Variants in MLKL observed in about 807,000 individuals in gnomAD.
MLKL encodes mixed lineage kinase domain-like protein.
In MLKL, 55 loss-of-function variants were observed where a neutral mutation model predicts 56.5. The ratio of observed to expected loss-of-function variants is 0.97; its 90% CI spans 0.78 to 1.22. The LOEUF is 1.22. Ranked by LOEUF, MLKL falls within the 50% of genes most tolerant of loss-of-function variation. The pLI is 0.00. For missense variants in MLKL, 694 were observed against 573.9 expected (o/e 1.21, Z -2.14); for synonymous variants, 251 against 208.3 (o/e 1.20, Z -1.76).
intron 1 of MLKL, among the ~76,000 whole-genome samples, chr16:74,700,128 C>T (rs183817696): frequency 5.1e-4 from 77 of 152,054 alleles, no homozygotes; most frequent in African/African-American, 1.7e-3. Context: ...TTTCCCTCTT[C>T]TCTCTCTCTC....
intron 1 of MLKL, among the ~76,000 whole-genome samples, chr16:74,696,280 T>G (rs974790025): frequency 1.4e-4 from 22 of 152,314 alleles, no homozygotes; most frequent in African/African-American, 4.6e-4. Context: ...TATTTTCAGG[T>G]TGATATGTTT....
chr16:74,682,528 A>G, intron 6 of MLKL, 123 bp downstream of exon 6: 1 of 1,340,680 alleles, frequency 7.5e-7, no homozygotes, highest in Non-Finnish European at 1.0e-6. Flanking sequence ...AGTAAATAGT[A>G]AAACAGTGTA....
At chr16:74,676,622 A>C (rs1959612778) in intron 7 of MLKL, 1 of 317,346 alleles carries the variant, frequency 3.2e-6, no homozygotes, top group Non-Finnish European at 4.6e-6. Context: ...AGTAGTAGAA[A>C]CAGTGTTTTG....
Position 74,679,905 on chromosome 16 carries a change from C to G in MLKL, c.957-925G>C, listed in dbSNP as rs115912355. On this transcript the variant is annotated intron_variant, in intron 6 of 10. Transcript: ENST00000308807. ...TGAGGGAGTACAGGAAGTAGGATGG[C>G]GAAGGAGAAGAAATCAAGCAAGAGG... 7.6e-3 allele frequency among the ~76,000 whole-genome samples: 1,162 copies of G among 152,132 alleles called. 16 individuals are homozygous for G. The highest frequency in any genetic ancestry group is 0.025 in the African/African-American group (1,028 of 41,512).
chr16:74,682,766 T>C lies in MLKL; in HGVS notation c.841A>G (p.Ile281Val), dbSNP rs2144492904. The change falls in exon 6 of 11, where the codon ATT becomes GTT. Residue 281 changes from isoleucine (I) to valine (V), a missense_variant. Transcript: ENST00000308807. ...CCGAGTTCACAGTACTCCATGACAA[T>C]GGAGAATTGAGGCGGAGTCACTGGT... ...DETVTPPQFS[I>V]VMEYCELGTL... 1 of 1,614,022 alleles carries C rather than the reference T, an allele frequency of 6.2e-7. No individual in the cohort carries two copies. The highest frequency in any genetic ancestry group is 1.3e-5 in the African/African-American group (1 of 74,994).
chr16:74,691,386 G>C lies in MLKL; in HGVS notation c.613C>G (p.Pro205Ala), dbSNP rs750137483. ...TCATTTTCCCTTAGCAGAATCCACG[G>C]GGATCCTGAAAGCTGCTCCTTCTTG... ...EIKKEQLSGS[P>A]WILLRENEVS... is the part of the protein sequence containing the mutation. The change falls in exon 4 of 11, where the codon CCG becomes GCG. Residue 205 changes from proline (P) to alanine (A), a missense_variant. Pro to Ala is a conservative substitution (Grantham distance 27). Transcript: ENST00000308807. The C allele has an allele frequency of 3.1e-6, 5 of 1,614,080 alleles. No individual in the cohort carries two copies. The highest frequency in any genetic ancestry group is 8.5e-7 in the Non-Finnish European group (1 of 1,180,008).
intron 10 of MLKL, among the ~76,000 whole-genome samples, chr16:74,674,231 C>T (rs1051309459): frequency 6.6e-6 from 1 of 150,660 alleles, no homozygotes; most frequent in Non-Finnish European, 1.5e-5. Context: ...CCTGACTCTG[C>T]AACCTCTGCC....
chr16:74,683,140 C>T (rs898121929), intron 5 of MLKL, among the ~76,000 whole-genome samples: 1 of 152,058 alleles, frequency 6.6e-6, no homozygotes, highest in Non-Finnish European at 1.5e-5. Flanking sequence ...GAAACCATGT[C>T]TCTACTAAAA....
rs550134814 is a variant in MLKL, at chr16:74,692,272, T to G, written c.535+70A>C. The G allele has an allele frequency of 4.4e-6, 6 of 1,370,716 alleles. No individual in the cohort carries two copies. The Admixed American group carries it at 9.2e-5, about 21-fold the overall frequency. 84.9% of individuals were successfully genotyped at this position (1,370,716 alleles called of 1,614,324 possible). ...GACAAATGCAGGGGTAGCGGGAGGC[T>G]GGGGTCCCAGTAAACTGATGACTTC... On this transcript the variant is annotated intron_variant, in intron 3 of 10. Coordinates refer to ENST00000308807, the MANE Select transcript of MLKL (RefSeq NM_152649.4).
chr16:74,696,002 G>C (rs963555361), intron 1 of MLKL, among the ~76,000 whole-genome samples: 3 of 152,200 alleles, frequency 2.0e-5, no homozygotes, highest in Non-Finnish European at 4.4e-5. Context: ...CTTGCAACTT[G>C]ATGTGGCCAT....
At chr16:74,695,248 C>G in intron 2 of MLKL, 50 bp downstream of exon 2, 1 of 1,558,524 alleles carries the variant, frequency 6.4e-7, no homozygotes, top group East Asian at 2.2e-5. Context: ...TAAAGTGAGA[C>G]TAAAATGCAT....
intron 6 of MLKL, among the ~76,000 whole-genome samples, chr16:74,680,348 A>C (rs1332432217): frequency 6.6e-6 from 1 of 152,250 alleles, no homozygotes; most frequent in Non-Finnish European, 1.5e-5. Flanking sequence ...TTTCAAATTA[A>C]TAGCTAAGAC....
intron 10 of MLKL, 56 bp from the exon 11 acceptor site, chr16:74,672,594 GAAACAC>G: frequency 6.7e-7 from 1 of 1,500,442 alleles, no homozygotes; most frequent in Non-Finnish European, 9.3e-7. Context: ...AGCCAAGTTA[GAAACAC>G]AAAGACATTT....
At chr16:74,675,985 T>C (rs190655711) in intron 7 of MLKL, 3 of 556,002 alleles carry the variant, frequency 5.4e-6, no homozygotes, top group Admixed American at 6.9e-5. Context: ...ATTTCTTCTG[T>C]ATAAAATGGG....
chr16:74,691,222 T>C, intron 4 of MLKL, 55 bp downstream of exon 4: 3 of 1,489,618 alleles, frequency 2.0e-6, no homozygotes, highest in Non-Finnish European at 2.7e-6. Flanking sequence ...CCTCTCTCCT[T>C]GGAGAGTTAG....
In MLKL at chr16:74,685,572, T is replaced by G. The variant is rs1286797922; in HGVS notation, c.734A>C (p.Gln245Pro). The change falls in exon 5 of 11, where the codon CAG becomes CCG. Residue 245 changes from glutamine (Q) to proline (P), a missense_variant. Physicochemically the swap from Gln to Pro is moderately conservative, Grantham distance 76. Coordinates refer to ENST00000308807, the MANE Select transcript of MLKL (RefSeq NM_152649.4). ...GGTTTTGATCTCCTTATTGAAAGTC[T>G]GCCTCACTATTCTATAAGGATTAAA... ...LQAGSIAIVR[Q>P]TFNKEIKTMK... The G allele has an allele frequency of 1.9e-6, 3 of 1,612,270 alleles. No individual in the cohort carries two copies. The highest frequency in any genetic ancestry group is 2.2e-5 in the South Asian group (2 of 91,008).
At position 74,698,540 on chromosome 16, in the gene MLKL, C is replaced by T. The variant is rs117904623; in HGVS notation, c.-3+1913G>A. 4.7e-3 allele frequency among the ~76,000 whole-genome samples: 710 copies of T among 152,298 alleles called. 2 individuals are homozygous for T. The highest frequency in any genetic ancestry group is 8.1e-3 in the Non-Finnish European group (551 of 68,032). The stretch of plus-strand genomic sequence containing the variant: ...CAGACTACCCAGCTATTCCCACGTG[C>T]TAAGCAGATATCTTCAAGGCCATTT... On this transcript the variant is annotated intron_variant, in intron 1 of 10. Coordinates refer to ENST00000308807, the MANE Select transcript of MLKL (RefSeq NM_152649.4).
At chr16:74,683,621 T>A (rs1165787128) in intron 5 of MLKL, among the ~76,000 whole-genome samples, 1 of 151,962 alleles carries the variant, frequency 6.6e-6, no homozygotes, top group Non-Finnish European at 1.5e-5. Context: ...ATTCTTTTTC[T>A]TTTTCTTTTT....
chr16:74,679,554 T>TC (rs1337897350), intron 6 of MLKL, among the ~76,000 whole-genome samples: 1 of 152,054 alleles, frequency 6.6e-6, no homozygotes, highest in Admixed American at 6.6e-5. Context: ...GCGCTTATAA[T>TC]CCCCACACTT....
Sources: gnomAD v4.1 joint callset for allele counts (sites outside exome capture counted in the v4.1 genomes callset) on GRCh38, gnomAD v4.1.1 for gene constraint, MANE v1.5 for transcripts, NCBI Gene and HGNC (gene_info 2026-07-23, HGNC 2026-07-21) for gene names.